B3GALT1: variants seen among roughly 807,000 people sequenced by gnomAD.
B3GALT1 encodes UDP-Gal:betaGlcNAc beta 1,3-galactosyltransferase, polypeptide 1.
Under a neutral mutation model 23.2 loss-of-function variants are expected in B3GALT1, and 10 were observed. The ratio of observed to expected loss-of-function variants is 0.43; its 90% CI spans 0.27 to 0.73. The LOEUF (loss-of-function observed/expected upper bound fraction) is 0.73, where lower values mean the gene tolerates loss of function less well. Ranked by LOEUF, B3GALT1 falls within the 30% of genes least tolerant of loss-of-function variation. The pLI is 0.21. For missense variants in B3GALT1, 299 were observed against 405.4 expected (o/e 0.74, Z 2.25); for synonymous variants, 156 against 141.5 (o/e 1.10, Z -0.73).
intron 1 of B3GALT1, among the ~76,000 whole-genome samples, chr2:167,351,502 TAA>T (rs1559072597): frequency 6.6e-6 from 1 of 152,076 alleles, no homozygotes; most frequent in African/African-American, 2.4e-5. Context: ...GCATCAAAAA[TAA>T]GAGAGAATTT....
chr2:167,824,897 T>C (rs1450043216), intron 4 of B3GALT1, among the ~76,000 whole-genome samples: 1 of 152,122 alleles, frequency 6.6e-6, no homozygotes, highest in Non-Finnish European at 1.5e-5. Context: ...CACAATTAGA[T>C]GTGTGGGTCT....
At chr2:167,706,493 A>T (rs1686969379) in intron 3 of B3GALT1, among the ~76,000 whole-genome samples, 1 of 152,236 alleles carries the variant, frequency 6.6e-6, no homozygotes, top group Non-Finnish European at 1.5e-5. Flanking sequence ...CCAAAAGCAG[A>T]GAGACCAAGA....
At chr2:167,462,419 G>A (rs1447020868) in intron 1 of B3GALT1, among the ~76,000 whole-genome samples, 1 of 152,124 alleles carries the variant, frequency 6.6e-6, no homozygotes, top group Non-Finnish European at 1.5e-5. Flanking sequence ...AGAGAAAATG[G>A]CAAATGTAAT....
intron 1 of B3GALT1, among the ~76,000 whole-genome samples, chr2:167,367,449 G>C (rs1472086280): frequency 6.6e-6 from 1 of 152,154 alleles, no homozygotes; most frequent in Non-Finnish European, 1.5e-5. Flanking sequence ...AGAGAGACAA[G>C]AGAATAGCCT....
chr2:167,799,181 C>T (rs942033292), intron 3 of B3GALT1, among the ~76,000 whole-genome samples: 3 of 152,134 alleles, frequency 2.0e-5, no homozygotes. Flanking sequence ...GTGAGCAAGA[C>T]ATTATCAGAT....
At chr2:167,338,181 C>A (rs890584248) in intron 1 of B3GALT1, among the ~76,000 whole-genome samples, 5 of 152,096 alleles carry the variant, frequency 3.3e-5, no homozygotes, top group Admixed American at 6.6e-5. Context: ...CTGTTATTTT[C>A]TTAGATTATA....
intron 3 of B3GALT1, among the ~76,000 whole-genome samples, chr2:167,727,181 G>T (rs115062736): frequency 0.014 from 2,205 of 152,088 alleles, 51 homozygotes; most frequent in African/African-American, 0.051. Context: ...TGCAAATGAT[G>T]GATTTAACCT....
At chr2:167,668,778 A>C (rs1006374590) in intron 3 of B3GALT1, among the ~76,000 whole-genome samples, 1 of 152,172 alleles carries the variant, frequency 6.6e-6, no homozygotes, top group Non-Finnish European at 1.5e-5. Context: ...GCGCTTCCCG[A>C]GTGAGGCAAT....
intron 2 of B3GALT1, among the ~76,000 whole-genome samples, chr2:167,500,809 G>T (rs1287587435): frequency 6.6e-6 from 1 of 152,120 alleles, no homozygotes; most frequent in East Asian, 1.9e-4. Flanking sequence ...GGTAAGAGTA[G>T]AAAAATCTTT....
chr2:167,351,107 A>T (rs1040513376), intron 1 of B3GALT1, among the ~76,000 whole-genome samples: 5 of 152,062 alleles, frequency 3.3e-5, no homozygotes, highest in African/African-American at 4.8e-5. Context: ...TGTCTCTATT[A>T]AAAATATAAA....
intron 3 of B3GALT1, among the ~76,000 whole-genome samples, chr2:167,682,232 T>G (rs1465771234): frequency 2.2e-4 from 33 of 152,200 alleles, no homozygotes; most frequent in Non-Finnish European, 2.9e-5. Flanking sequence ...AACTGTGGCA[T>G]TTTGATCCAA....
At chr2:167,623,390 G>T (rs1485858249) in intron 2 of B3GALT1, among the ~76,000 whole-genome samples, 1 of 152,168 alleles carries the variant, frequency 6.6e-6, no homozygotes, top group Non-Finnish European at 1.5e-5. Flanking sequence ...TAAAGAAAAT[G>T]TGGCACATAT....
At chr2:167,812,601 T>G (rs953444841) in intron 3 of B3GALT1, among the ~76,000 whole-genome samples, 1 of 152,252 alleles carries the variant, frequency 6.6e-6, no homozygotes, top group African/African-American at 2.4e-5. Context: ...ACCAGATATT[T>G]GGAATTTATT....
chr2:167,809,978 C>A (rs537040207), intron 3 of B3GALT1, among the ~76,000 whole-genome samples: 31 of 152,358 alleles, frequency 2.0e-4, no homozygotes, highest in African/African-American at 7.2e-4. Flanking sequence ...CAAGTCTCAG[C>A]AATGGCAGGC....
chr2:167,374,635 G>A (rs1018664799), intron 1 of B3GALT1, among the ~76,000 whole-genome samples: 4 of 152,062 alleles, frequency 2.6e-5, no homozygotes, highest in African/African-American at 9.7e-5. Flanking sequence ...TTTCATGTTT[G>A]TTGGCTGCTT....
chr2:167,796,305 T>C (rs977170003), intron 3 of B3GALT1, among the ~76,000 whole-genome samples: 6 of 152,246 alleles, frequency 3.9e-5, no homozygotes, highest in African/African-American at 1.4e-4. Flanking sequence ...AAATTGGATC[T>C]GATTTTTCAC....
intron 2 of B3GALT1, among the ~76,000 whole-genome samples, chr2:167,588,866 TTTCC>T (rs764207112): frequency 0.015 from 2,030 of 133,790 alleles, 22 homozygotes; most frequent in African/African-American, 0.019. Flanking sequence ...TCCTTCCTTC[TTTCC>T]TTCCTTCCTT....
rs144524316 is a variant in B3GALT1, at chr2:167,468,678, C to G, written c.-510-21499C>G. ...CCTGAGGTCAGGCGTTCAAGACCAG[C>G]CTGACTAACATGGTGAAGCCCCATC... On this transcript the variant is annotated intron_variant, in intron 1 of 4. Coordinates refer to ENST00000392690, the MANE Select transcript of B3GALT1 (RefSeq NM_020981.4). Among the ~76,000 whole-genome samples, 857 of 152,224 alleles carry G rather than the reference C, an allele frequency of 5.6e-3. 9 individuals are homozygous for G. The highest frequency in any genetic ancestry group is 0.02 in the African/African-American group (821 of 41,530).
At chr2:167,478,788 A>G (rs1487572038) in intron 1 of B3GALT1, among the ~76,000 whole-genome samples, 5 of 151,780 alleles carry the variant, frequency 3.3e-5, no homozygotes, top group African/African-American at 1.2e-4. Flanking sequence ...AATTTGTTCA[A>G]TTCCCACCTT....
Sources: allele counts gnomAD v4.1 joint callset (sites outside exome capture counted in the v4.1 genomes callset), GRCh38; gene constraint gnomAD v4.1.1; transcripts MANE v1.5; gene names NCBI Gene and HGNC (gene_info 2026-07-23, HGNC 2026-07-21).